GALNT13: variants seen among roughly 807,000 people sequenced by gnomAD.
GALNT13 encodes the protein polypeptide N-acetylgalactosaminyltransferase 13.
GALNT13 carries 28 observed loss-of-function variants against 64.2 expected under a neutral mutation model. The observed-to-expected ratio is 0.44, with a 90% CI of 0.32 to 0.60. The LOEUF (loss-of-function observed/expected upper bound fraction) is 0.60, where lower values mean the gene tolerates loss of function less well. Among genes scored for constraint, GALNT13 ranks in the 20% least tolerant of loss-of-function variants. The pLI is 0.05. For synonymous variants in GALNT13, 214 were observed against 224.6 expected, an observed-to-expected ratio of 0.95 and a Z score of 0.42; for missense variants, 577 against 669.8, an observed-to-expected ratio of 0.86 and a Z score of 1.53.
chr2:153,620,956 T>G, the GALNT13 span, among the ~76,000 whole-genome samples: 2 of 152,096 alleles, frequency 1.3e-5, no homozygotes, highest in African/African-American at 4.8e-5. Flanking sequence ...ATCTAAGTTA[T>G]ATTGCTTTAG....
chr2:153,904,157 T>A (rs1688410030), intron 2 of GALNT13, among the ~76,000 whole-genome samples: 1 of 151,992 alleles, frequency 6.6e-6, no homozygotes, highest in South Asian at 2.1e-4. Context: ...GTGTGGTTCA[T>A]TAATTTTCAT....
chr2:153,662,702 A>G, the GALNT13 span, among the ~76,000 whole-genome samples: 2 of 152,224 alleles, frequency 1.3e-5, no homozygotes, highest in Non-Finnish European at 1.5e-5. Flanking sequence ...TAGGACATTT[A>G]TATAATACAT....
rs114357514 is a variant in GALNT13, at chr2:154,186,993, A to C, written c.311+46488A>C. On this transcript the variant is annotated intron_variant, in intron 4 of 12. Coordinates refer to ENST00000392825, the MANE Select transcript of GALNT13 (RefSeq NM_052917.4). ...GATTAAATAACAGAACCAAAAAAAA[A>C]CCCCCAGTTTATTATGAAAATAAAA... Among the ~76,000 whole-genome samples the C allele has an allele frequency of 2.4e-3, 359 of 151,946 alleles. 1 individual carries two copies. Among genetic ancestry groups the C allele is most frequent in the African/African-American group, 7.2e-3 (300 of 41,472 alleles).
chr2:153,814,682 C>G, the GALNT13 span, among the ~76,000 whole-genome samples: 1 of 152,068 alleles, frequency 6.6e-6, no homozygotes, highest in African/African-American at 2.4e-5. Context: ...CACAGAAAGG[C>G]CTCCTCTCCC....
intron 3 of GALNT13, among the ~76,000 whole-genome samples, chr2:153,997,106 G>T (rs1187770011): frequency 6.6e-6 from 1 of 152,056 alleles, no homozygotes; most frequent in African/African-American, 2.4e-5. Flanking sequence ...CAGGTAATTG[G>T]ATACCTCCAT....
chr2:154,099,507 A>C (rs1702239379), intron 3 of GALNT13, among the ~76,000 whole-genome samples: 1 of 152,072 alleles, frequency 6.6e-6, no homozygotes, highest in Non-Finnish European at 1.5e-5. Context: ...CAACACCCAG[A>C]AGAGTTTTTC....
the GALNT13 span, among the ~76,000 whole-genome samples, chr2:153,325,127 T>TC: frequency 6.8e-6 from 1 of 146,124 alleles, no homozygotes; most frequent in Non-Finnish European, 1.5e-5. Context: ...TTTTTTTTTT[T>TC]TTTTTTTTTT....
intron 3 of GALNT13, among the ~76,000 whole-genome samples, chr2:153,946,377 T>A (rs1287809673): frequency 2.0e-4 from 31 of 152,140 alleles, no homozygotes; most frequent in Admixed American, 2.0e-3. Flanking sequence ...TAACTTTTCC[T>A]TGTACTTAAA....
intron 10 of GALNT13, among the ~76,000 whole-genome samples, chr2:154,397,870 TTAGAC>T (rs1022526885): frequency 7.2e-5 from 11 of 152,330 alleles, no homozygotes; most frequent in African/African-American, 2.4e-4. Context: ...GTGTATGACT[TTAGAC>T]TAGTCACTTA....
chr2:153,107,578 C>T, the GALNT13 span, among the ~76,000 whole-genome samples: 1 of 152,004 alleles, frequency 6.6e-6, no homozygotes, highest in African/African-American at 2.4e-5. Flanking sequence ...TGAACCAAAA[C>T]AATAAAGTAG....
chr2:153,446,754 G>A, the GALNT13 span: 4 of 152,086 alleles, frequency 2.6e-5, no homozygotes, highest in East Asian at 7.7e-4. Context: ...CCAGTAATAG[G>A]TCATGGAATC....
the GALNT13 span, among the ~76,000 whole-genome samples, chr2:153,441,258 A>G: frequency 3.9e-5 from 6 of 152,136 alleles, no homozygotes; most frequent in East Asian, 9.6e-4. Context: ...AGATGGTTGT[A>G]TATGTGTGGC....
At chr2:154,201,495 T>A (rs1267878957) in intron 4 of GALNT13, among the ~76,000 whole-genome samples, 1 of 152,110 alleles carries the variant, frequency 6.6e-6, no homozygotes, top group Non-Finnish European at 1.5e-5. Context: ...CACACATGCA[T>A]AGCATCACCT....
At chr2:153,413,466 C>T in the GALNT13 span, among the ~76,000 whole-genome samples, 3 of 152,266 alleles carry the variant, frequency 2.0e-5, no homozygotes, top group East Asian at 1.9e-4. Context: ...TGTCCTTAAG[C>T]GGCATACAAC....
At chr2:154,292,235 G>A (rs527560590) in intron 8 of GALNT13, among the ~76,000 whole-genome samples, 92 of 152,120 alleles carry the variant, frequency 6.0e-4, no homozygotes, top group Non-Finnish European at 1.0e-3. Context: ...GTGTCTGTGG[G>A]ATGAGAGGTA....
chr2:154,248,522 G>A (rs1689904496), intron 7 of GALNT13, among the ~76,000 whole-genome samples: 1 of 152,038 alleles, frequency 6.6e-6, no homozygotes, highest in Non-Finnish European at 1.5e-5. Context: ...TTAAACTGGA[G>A]GTCATAAACT....
chr2:153,112,806 A>G, the GALNT13 span, among the ~76,000 whole-genome samples: 5 of 152,064 alleles, frequency 3.3e-5, no homozygotes, highest in Non-Finnish European at 7.4e-5. Flanking sequence ...CTCACCATCA[A>G]GTTTTAAATA....
chr2:154,288,887 T>G (rs1023475778), intron 8 of GALNT13, among the ~76,000 whole-genome samples: 1 of 152,200 alleles, frequency 6.6e-6, no homozygotes, highest in Admixed American at 6.5e-5. Context: ...GATCTACCAT[T>G]CTAGGGTCTG....
the GALNT13 span, among the ~76,000 whole-genome samples, chr2:153,495,071 C>T: frequency 1.5e-3 from 229 of 152,188 alleles, 1 homozygote; most frequent in African/African-American, 5.1e-3. Flanking sequence ...CACAATTTTA[C>T]TTCTTTTTCT....
Sources: allele counts gnomAD v4.1 joint callset (sites outside exome capture counted in the v4.1 genomes callset), GRCh38; gene constraint gnomAD v4.1.1; transcripts MANE v1.5; gene names NCBI Gene and HGNC (gene_info 2026-07-23, HGNC 2026-07-21).